Variants in C10orf53 observed in about 807,000 individuals in gnomAD.
C10orf53 encodes the protein chromosome 10 open reading frame 53.
Under a neutral mutation model 9.4 loss-of-function variants are expected in C10orf53, and 8 were observed. The ratio of observed to expected loss-of-function variants is 0.85; its 90% CI spans 0.50 to 1.53. The LOEUF is 1.53. Ranked by LOEUF, C10orf53 falls within the 40% of genes most tolerant of loss-of-function variation. The pLI is 0.00. For missense variants in C10orf53, 117 were observed against 117.8 expected, an observed-to-expected ratio of 0.99 and a Z score of 0.03; for synonymous variants, 48 against 46.0, an observed-to-expected ratio of 1.04 and a Z score of -0.18.
intron 1 of C10orf53, among the ~76,000 whole-genome samples, chr10:49,689,119 G>A (rs1317461600): frequency 2.0e-5 from 3 of 152,106 alleles, no homozygotes; most frequent in African/African-American, 4.8e-5. Context: ...GCGTAAAGCC[G>A]AATGCTAGAA....
At chr10:49,706,449 G>A (rs1346174612) in intron 2 of C10orf53, among the ~76,000 whole-genome samples, 2 of 152,194 alleles carry the variant, frequency 1.3e-5, no homozygotes, top group Non-Finnish European at 2.9e-5. Flanking sequence ...CATGAACCTT[G>A]AAAACGTCAT....
chr10:49,700,018 G>A (rs1258323), downstream of C10orf53, among the ~76,000 whole-genome samples: 55,489 of 152,094 alleles, frequency 0.36, 12,613 homozygotes, highest in East Asian at 0.81. Context: ...TCTGTTTAGA[G>A]GAAGTTAAGA....
chr10:49,697,602 A>G (rs912126558), downstream of C10orf53, among the ~76,000 whole-genome samples: 3 of 152,208 alleles, frequency 2.0e-5, no homozygotes, highest in African/African-American at 7.2e-5. Context: ...CCGAGGCTGG[A>G]GTGCAGTGGC....
intron 2 of C10orf53, 49 bp downstream of exon 2, chr10:49,693,942 A>T (rs41281961): frequency 1.2e-6 from 2 of 1,611,818 alleles, no homozygotes; most frequent in Non-Finnish European, 1.7e-6. Flanking sequence ...TCCTCTGAGG[A>T]GTCCCTCAAT....
intron 1 of C10orf53, 35 bp downstream of exon 1, chr10:49,679,829 C>G (rs1423823129): frequency 6.6e-7 from 1 of 1,508,032 alleles, no homozygotes; most frequent in Non-Finnish European, 8.9e-7. Flanking sequence ...CCTGAGGGCC[C>G]CAGCCTCTGA....
At chr10:49,707,279 G>C (rs2132893972) in intron 2 of C10orf53, among the ~76,000 whole-genome samples, 1 of 152,324 alleles carries the variant, frequency 6.6e-6, no homozygotes, top group South Asian at 2.1e-4. Flanking sequence ...ACATAGGAGA[G>C]AAGTGGCCAA....
intron 2 of C10orf53, among the ~76,000 whole-genome samples, chr10:49,703,700 C>G (rs1187443047): frequency 6.6e-6 from 1 of 152,102 alleles, no homozygotes; most frequent in Non-Finnish European, 1.5e-5. Context: ...CGTCCTAAAG[C>G]CCTCTCATCA....
At chr10:49,700,074 C>T (rs114012236), downstream of C10orf53, among the ~76,000 whole-genome samples, 792 of 152,322 alleles carry the variant, frequency 5.2e-3, 6 homozygotes, top group African/African-American at 0.018. Context: ...CCCCTCCTCA[C>T]ATGGGAGGAA....
intron 1 of C10orf53, among the ~76,000 whole-genome samples, chr10:49,692,386 G>T (rs1483473547): frequency 6.6e-6 from 1 of 152,166 alleles, no homozygotes; most frequent in Non-Finnish European, 1.5e-5. Context: ...TTAAAATCGC[G>T]CAATTAAAAT....
intron 2 of C10orf53, 80 bp from the exon 3 acceptor site, chr10:49,694,458 G>C (rs192628854): frequency 6.3e-7 from 1 of 1,575,494 alleles, no homozygotes; most frequent in East Asian, 2.2e-5. Flanking sequence ...TGCACTCTGG[G>C]TGGAAGCCAT....
chr10:49,680,645 A>T (rs537996088), intron 1 of C10orf53, among the ~76,000 whole-genome samples: 1 of 152,338 alleles, frequency 6.6e-6, no homozygotes, highest in East Asian at 1.9e-4. Context: ...TCTGAGGAGA[A>T]CAGATTAGAG....
At chr10:49,681,726 C>T (rs920648139) in intron 1 of C10orf53, among the ~76,000 whole-genome samples, 1 of 152,196 alleles carries the variant, frequency 6.6e-6, no homozygotes, top group African/African-American at 2.4e-5. Context: ...TTTGTCCTCA[C>T]CTGGTGGGAT....
rs1156522360 is a variant in C10orf53 at position 49,694,521 on chromosome 10, T to G, written c.218-17T>G. The G allele has an allele frequency of 7.4e-6, 12 of 1,613,950 alleles. No homozygotes were observed. Among genetic ancestry groups the G allele is most frequent in the African/African-American group, 1.3e-5 (1 of 74,938 alleles). On this transcript the variant is annotated splice_polypyrimidine_tract_variant and intron_variant, in intron 2 of 2. Coordinates refer to ENST00000374111, the MANE Select transcript of C10orf53 (RefSeq NM_001042427.3). ...TATATAAAGCTAACCAAAAGACAAT[T>G]ATATCTGTTTCCCTAGGAGGCGATG...
chr10:49,699,849 G>A (rs1471758814), downstream of C10orf53, among the ~76,000 whole-genome samples: 1 of 152,122 alleles, frequency 6.6e-6, no homozygotes, highest in African/African-American at 2.4e-5. Flanking sequence ...AAGCCTGATT[G>A]TTCTGTGATC....
chr10:49,681,813 G>A (rs1840481418), intron 1 of C10orf53, among the ~76,000 whole-genome samples: 1 of 152,126 alleles, frequency 6.6e-6, no homozygotes, highest in South Asian at 2.1e-4. Flanking sequence ...ATCAGATTGG[G>A]TCCTCATCCT....
In C10orf53 at chr10:49,690,544, GTTCT is replaced by G. The variant is rs753421254; in HGVS notation, c.98-3223_98-3220del. On this transcript the variant is annotated intron_variant, in intron 1 of 2. Transcript: ENST00000374111. ...TGCCTTTAGCAATCTGAAAATTTTTGTTCTTTCTTTATTATCCATGAATTATAAT... is the reference window on the plus strand; with the variant it reads ...TGCCTTTAGCAATCTGAAAATTTTTGTTCTTTATTATCCATGAATTATAAT... 3.9e-5 allele frequency among the ~76,000 whole-genome samples: 6 copies of G among 152,254 alleles called. No homozygotes were observed. The South Asian group carries it at 1.0e-3, about 26-fold the overall frequency.
downstream of C10orf53, among the ~76,000 whole-genome samples, chr10:49,697,979 T>C (rs1223849344): frequency 6.6e-6 from 1 of 152,202 alleles, no homozygotes; most frequent in Non-Finnish European, 1.5e-5. Context: ...TCTGCTCCCT[T>C]GGTAAGATTG....
rs1840614727 is a variant in C10orf53, at chr10:49,694,450, C to T, written c.218-88C>T. 3.2e-6 allele frequency: 5 copies of T among 1,546,190 alleles called. No individual in the cohort carries two copies. The Admixed American group carries it at 5.3e-5, about 16-fold the overall frequency. On this transcript the variant is annotated intron_variant, in intron 2 of 2. Coordinates refer to ENST00000374111, the MANE Select transcript of C10orf53 (RefSeq NM_001042427.3). ...TACCAGCCCATGGCCTTTGAAAATG[C>T]ACTCTGGGTGGAAGCCATAGGTATG...
downstream of C10orf53, among the ~76,000 whole-genome samples, chr10:49,697,810 T>G (rs976868373): frequency 1.3e-5 from 2 of 152,184 alleles, no homozygotes; most frequent in South Asian, 2.1e-4. Flanking sequence ...CCTCCCAAAG[T>G]GCTGGGATTA....
Sources: allele counts gnomAD v4.1 joint callset (sites outside exome capture counted in the v4.1 genomes callset), GRCh38; gene constraint gnomAD v4.1.1; transcripts MANE v1.5; gene names NCBI Gene and HGNC (gene_info 2026-07-23, HGNC 2026-07-21).